The following BMPR2 variants were observed in gnomAD, a reference collection of about 807,000 sequenced individuals.
BMPR2 encodes bone morphogenetic protein receptor type 2, also known as bone morphogenetic protein receptor type-2.
Under a neutral mutation model 100.8 loss-of-function variants are expected in BMPR2, and 29 were observed. The observed-to-expected ratio is 0.29, with a 90% confidence interval of 0.21 to 0.39. The LOEUF (loss-of-function observed/expected upper bound fraction) is 0.39, where lower values mean the gene tolerates loss of function less well. Among genes scored for constraint, BMPR2 ranks in the 10% least tolerant of loss-of-function variants. The pLI, the probability that BMPR2 is intolerant of heterozygous loss-of-function variation, is 1.00. For missense variants in BMPR2, 1,011 were observed against 1,274.5 expected (o/e 0.79, Z 3.15); for synonymous variants, 382 against 442.3 (o/e 0.86, Z 1.71).
chr2:202,492,700 C>CAAAAAAAAAAA (rs1166246933), intron 3 of BMPR2, among the ~76,000 whole-genome samples: 1 of 52,808 alleles, frequency 1.9e-5, no homozygotes, highest in African/African-American at 8.6e-5. Flanking sequence ...AGCTCTGTCT[C>CAAAAAAAAAAA]AAAAAAAAAA....
Position 202,564,937 on chromosome 2 carries a change from T to C in BMPR2, c.*4991T>C, listed in dbSNP as rs1282462016. 4 of 152,180 alleles carry C rather than the reference T, an allele frequency of 2.6e-5. No homozygotes were observed. The highest frequency in any genetic ancestry group is 9.7e-5 in the African/African-American group (4 of 41,386). The allele number at this position is 152,180 out of a possible 1,614,324, so 9.4% of individuals were successfully genotyped here. A position where few individuals can be genotyped will look rare whatever the true frequency, so the allele number is the denominator to read the frequency against. Reference sequence around the variant, plus strand: ...GGCACGCGCCTGTAGTCCCAGCTACTCGGGAGGCAGAGACAGGAGAATCGT... The same window carrying C: ...GGCACGCGCCTGTAGTCCCAGCTACCCGGGAGGCAGAGACAGGAGAATCGT... On this transcript the variant is annotated 3_prime_UTR_variant, in exon 13 of 13. Transcript: ENST00000374580.
intron 7 of BMPR2, among the ~76,000 whole-genome samples, chr2:202,530,411 G>A (rs1029682999): frequency 6.6e-6 from 1 of 151,836 alleles, no homozygotes; most frequent in Non-Finnish European, 1.5e-5. Flanking sequence ...AAATTTTGGA[G>A]CTCCATTAGT....
At chr2:202,459,139 A>G (rs925134249) in intron 1 of BMPR2, among the ~76,000 whole-genome samples, 4 of 152,062 alleles carry the variant, frequency 2.6e-5, no homozygotes, top group Non-Finnish European at 5.9e-5. Flanking sequence ...TGTTTAACAA[A>G]CTTTTTGTCA....
At chr2:202,480,953 TAAAA>T (rs71035011) in intron 3 of BMPR2, among the ~76,000 whole-genome samples, 1 of 43,346 alleles carries the variant, frequency 2.3e-5, no homozygotes. Context: ...AGACTCCGTC[TAAAA>T]AAAAAAAAAA....
intron 3 of BMPR2, among the ~76,000 whole-genome samples, chr2:202,501,719 G>A (rs1218909822): frequency 6.6e-6 from 1 of 152,216 alleles, no homozygotes; most frequent in East Asian, 1.9e-4. Context: ...AGGTGCCAAA[G>A]GAAGTTTATG....
intron 3 of BMPR2, among the ~76,000 whole-genome samples, chr2:202,470,126 G>A (rs781144713): frequency 2.0e-4 from 31 of 151,896 alleles, no homozygotes; most frequent in Non-Finnish European, 3.7e-4. Flanking sequence ...GGCAGATCAC[G>A]AGGTAAAGAG....
intron 1 of BMPR2, among the ~76,000 whole-genome samples, chr2:202,388,333 G>A (rs1444393029): frequency 7.6e-6 from 1 of 131,240 alleles, no homozygotes; most frequent in East Asian, 2.3e-4. Context: ...GGAGATGGAG[G>A]TTGCAGTGAG....
intron 1 of BMPR2, among the ~76,000 whole-genome samples, chr2:202,412,941 C>T (rs1286435470): frequency 6.6e-6 from 1 of 152,014 alleles, no homozygotes; most frequent in Non-Finnish European, 1.5e-5. Flanking sequence ...TACACACTTA[C>T]ATGCTGTTGA....
rs1183696365 is a variant in BMPR2 at position 202,484,344 on chromosome 2, T to TTCCC, written c.418+16669_418+16672dup. 2.2e-4 allele frequency among the ~76,000 whole-genome samples: 27 copies of TTCCC among 121,606 alleles called. No homozygotes were observed. In the South Asian group the frequency reaches 3.5e-3, roughly 16 times the overall value. 79.8% of individuals were successfully genotyped at this position (121,606 alleles called of 152,430 possible). ...CAGTGTCTAATATTTCCTTCCTTCC[T>TTCCC]TCCCTCCCTCCCTCCCTTCCTTCTT... On this transcript the variant is annotated intron_variant, in intron 3 of 12. Coordinates refer to ENST00000374580, the MANE Select transcript of BMPR2 (RefSeq NM_001204.7).
chr2:202,406,864 A>G (rs1308954215), intron 1 of BMPR2, among the ~76,000 whole-genome samples: 1 of 152,146 alleles, frequency 6.6e-6, no homozygotes, highest in Non-Finnish European at 1.5e-5. Context: ...ATTGTCTGAT[A>G]GTAGTGATTA....
Position 202,536,621 on chromosome 2 carries a change from C to A in BMPR2, c.1276+3889C>A, listed in dbSNP as rs536982416. On this transcript the variant is annotated intron_variant, in intron 9 of 12. Coordinates refer to ENST00000374580, the MANE Select transcript of BMPR2 (RefSeq NM_001204.7). ...GGTGCGGTGGCTCACGCCTGTAATC[C>A]CAGCACCTTAGGAGGCCGAGGCAAG... is the stretch of plus-strand genomic sequence containing the variant. Among the ~76,000 whole-genome samples the A allele has an allele frequency of 2.0e-4, 31 of 151,668 alleles. 1 individual carries two copies. The highest frequency in any genetic ancestry group is 4.2e-4 in the South Asian group (2 of 4,802).
Position 202,560,096 on chromosome 2 carries a change from A to G in BMPR2, c.*150A>G. 2 of 1,025,920 alleles carry G rather than the reference A, an allele frequency of 1.9e-6. No individual in the cohort carries two copies. Among genetic ancestry groups the G allele is most frequent in the East Asian group, 2.6e-5 (1 of 38,238 alleles). The allele number at this position is 1,025,920 out of a possible 1,614,324, so 63.6% of individuals were successfully genotyped here. On this transcript the variant is annotated 3_prime_UTR_variant, in exon 13 of 13. Coordinates refer to ENST00000374580, the MANE Select transcript of BMPR2 (RefSeq NM_001204.7). ...GACTTGCTTTAAATAGATTTCAGCT[A>G]TGCAGAAAAATTTAGCTTATGCTTC...
chr2:202,461,575 G>A (rs1461558320), intron 1 of BMPR2, among the ~76,000 whole-genome samples: 5 of 152,176 alleles, frequency 3.3e-5, no homozygotes, highest in African/African-American at 4.8e-5. Flanking sequence ...ACCTTCCTAG[G>A]TTGTTGAAAA....
chr2:202,472,121 CA>C (rs1332956108), intron 3 of BMPR2, among the ~76,000 whole-genome samples: 1 of 152,086 alleles, frequency 6.6e-6, no homozygotes, highest in Middle Eastern at 3.2e-3. Context: ...TAGCACATCT[CA>C]AGAATTTTCT....
chr2:202,461,962 C>T (rs1481957070), intron 1 of BMPR2, among the ~76,000 whole-genome samples: 2 of 151,812 alleles, frequency 1.3e-5, no homozygotes, highest in East Asian at 1.9e-4. Flanking sequence ...CTGTGCACAA[C>T]GTGCAGGTTT....
intron 1 of BMPR2, among the ~76,000 whole-genome samples, chr2:202,417,375 T>C (rs1333640122): frequency 6.6e-6 from 1 of 152,154 alleles, no homozygotes; most frequent in African/African-American, 2.4e-5. Flanking sequence ...CGATCTCGGC[T>C]CACCGCAGCC....
intron 9 of BMPR2, among the ~76,000 whole-genome samples, chr2:202,535,300 C>T (rs200573285): frequency 1.3e-5 from 2 of 150,458 alleles, no homozygotes; most frequent in East Asian, 2.0e-4. Context: ...GGGCGGCTGC[C>T]GGGCGGAGGG....
intron 1 of BMPR2, among the ~76,000 whole-genome samples, chr2:202,393,801 C>T (rs997239844): frequency 4.6e-5 from 7 of 150,812 alleles, no homozygotes; most frequent in African/African-American, 1.7e-4. Context: ...GAAATCTTTT[C>T]AAGCCCATTT....
intron 10 of BMPR2, among the ~76,000 whole-genome samples, chr2:202,549,854 C>T (rs1688444566): frequency 6.6e-6 from 1 of 152,112 alleles, no homozygotes; most frequent in Non-Finnish European, 1.5e-5. Flanking sequence ...AGTTTCTCTG[C>T]ATCTTTGCCA....
Sources: allele counts gnomAD v4.1 joint callset (sites outside exome capture counted in the v4.1 genomes callset), GRCh38; gene constraint gnomAD v4.1.1; transcripts MANE v1.5; gene names NCBI Gene and HGNC (gene_info 2026-07-23, HGNC 2026-07-21).